The following KHDRBS2 variants were observed in gnomAD, a reference collection of about 807,000 sequenced individuals.
KHDRBS2 encodes the protein KH domain-containing, RNA-binding, signal transduction-associated protein 2.
Under a neutral mutation model 44.3 loss-of-function variants are expected in KHDRBS2, and 26 were observed. The observed-to-expected ratio is 0.59, with a 90% CI of 0.43 to 0.81. The LOEUF (loss-of-function observed/expected upper bound fraction) is 0.81. Among genes scored for constraint, KHDRBS2 ranks in the 40% least tolerant of loss-of-function variants. The probability of loss-of-function intolerance (pLI) is 0.00; values close to 1 mark genes in which losing one functional copy is unlikely to be tolerated. For synonymous variants in KHDRBS2, 194 were observed against 151.1 expected, an observed-to-expected ratio of 1.28 and a Z score of -2.08; for missense variants, 476 against 433.1, an observed-to-expected ratio of 1.10 and a Z score of -0.88.
At chr6:61,744,786 A>G (rs1482630212) in intron 6 of KHDRBS2, among the ~76,000 whole-genome samples, 3 of 152,070 alleles carry the variant, frequency 2.0e-5, no homozygotes, top group African/African-American at 7.2e-5. Flanking sequence ...GGGGAGTACA[A>G]GCCAGTAATC....
chr6:61,760,461 C>T (rs546245193), intron 6 of KHDRBS2, among the ~76,000 whole-genome samples: 30 of 152,004 alleles, frequency 2.0e-4, no homozygotes, highest in African/African-American at 7.0e-4. Context: ...GACAAAACCT[C>T]AACTCTACAA....
At chr6:62,073,002 A>G (rs1394134965) in intron 2 of KHDRBS2, among the ~76,000 whole-genome samples, 1 of 152,080 alleles carries the variant, frequency 6.6e-6, no homozygotes, top group African/African-American at 2.4e-5. Context: ...GCTATTAATT[A>G]TTGCCTCAAT....
At chr6:61,574,407 A>G in the KHDRBS2 span, 2 of 1,521,806 alleles carry the variant, frequency 1.3e-6, no homozygotes, top group Non-Finnish European at 1.8e-6. Context: ...ACATAATACA[A>G]CAAGACGAGA....
intron 7 of KHDRBS2, among the ~76,000 whole-genome samples, chr6:61,703,231 T>C (rs1471527650): frequency 1.3e-5 from 2 of 151,870 alleles, no homozygotes; most frequent in Non-Finnish European, 2.9e-5. Context: ...AGCAGCTTTC[T>C]GAAATAATGA....
the KHDRBS2 span, among the ~76,000 whole-genome samples, chr6:61,561,187 C>T: frequency 1.3e-5 from 2 of 150,042 alleles, no homozygotes; most frequent in Admixed American, 6.6e-5. Flanking sequence ...TAAATGGAGA[C>T]TCTCTCTCTC....
chr6:62,014,774 C>T (rs1780900219), intron 3 of KHDRBS2, among the ~76,000 whole-genome samples: 3 of 152,058 alleles, frequency 2.0e-5, no homozygotes, highest in African/African-American at 7.2e-5. Flanking sequence ...TCTAGTCATA[C>T]AGCACATGAA....
intron 3 of KHDRBS2, among the ~76,000 whole-genome samples, chr6:61,995,766 A>G (rs1018979466): frequency 4.1e-5 from 6 of 145,454 alleles, no homozygotes; most frequent in Non-Finnish European, 5.9e-5. Flanking sequence ...TGTTTCAGAG[A>G]AAAAAAAATC....
chr6:61,650,980 A>G, the KHDRBS2 span, among the ~76,000 whole-genome samples: 12 of 152,090 alleles, frequency 7.9e-5, 1 homozygote, highest in South Asian at 1.7e-3. Flanking sequence ...ACTATTTCCA[A>G]TGTGTACATT....
intron 4 of KHDRBS2, among the ~76,000 whole-genome samples, chr6:61,945,147 A>ATG: frequency 8.5e-6 from 1 of 117,000 alleles, no homozygotes; most frequent in South Asian, 2.8e-4. Flanking sequence ...ATATATATAT[A>ATG]TATACACACA....
At chr6:61,568,053 A>C in the KHDRBS2 span, among the ~76,000 whole-genome samples, 1 of 152,240 alleles carries the variant, frequency 6.6e-6, no homozygotes, top group Middle Eastern at 3.4e-3. Flanking sequence ...ATTCTTCTGC[A>C]TGTGGCTATC....
chr6:62,120,984 G>A (rs571044781), intron 2 of KHDRBS2, among the ~76,000 whole-genome samples: 4 of 152,174 alleles, frequency 2.6e-5, no homozygotes, highest in East Asian at 1.9e-4. Context: ...GATCTGAGTT[G>A]ATGTTCATTC....
intron 5 of KHDRBS2, among the ~76,000 whole-genome samples, chr6:61,896,629 T>A (rs1210317545): frequency 6.6e-6 from 1 of 152,220 alleles, no homozygotes; most frequent in African/African-American, 2.4e-5. Flanking sequence ...ATCACTTTTT[T>A]TAGGATACTG....
chr6:62,262,865 G>A (rs1838593579), intron 1 of KHDRBS2, among the ~76,000 whole-genome samples: 1 of 151,576 alleles, frequency 6.6e-6, no homozygotes, highest in Admixed American at 6.6e-5. Flanking sequence ...CAAATACATA[G>A]AAAATATATA....
At chr6:61,806,753 G>T (rs1787230898) in intron 6 of KHDRBS2, among the ~76,000 whole-genome samples, 1 of 151,644 alleles carries the variant, frequency 6.6e-6, no homozygotes. Context: ...TCAAAAAAAA[G>T]GCCTAATTTC....
At chr6:61,553,443 G>C in the KHDRBS2 span, among the ~76,000 whole-genome samples, 1 of 150,854 alleles carries the variant, frequency 6.6e-6, no homozygotes, top group Admixed American at 6.6e-5. Context: ...TATTTCTTCA[G>C]AAAACCAACA....
At chr6:61,584,212 T>A in the KHDRBS2 span, among the ~76,000 whole-genome samples, 1 of 151,968 alleles carries the variant, frequency 6.6e-6, no homozygotes, top group Admixed American at 6.6e-5. Context: ...TCCTATCTTT[T>A]CTTGTCCCAT....
At chr6:61,702,702 G>C (rs573017944) in intron 7 of KHDRBS2, among the ~76,000 whole-genome samples, 3 of 151,854 alleles carry the variant, frequency 2.0e-5, no homozygotes, top group Admixed American at 6.6e-5. Context: ...ACAGCAATTG[G>C]AACAGTAAAA....
the KHDRBS2 span, among the ~76,000 whole-genome samples, chr6:61,633,799 A>G: frequency 9.3e-6 from 1 of 107,608 alleles, no homozygotes; most frequent in Non-Finnish European, 2.1e-5. Flanking sequence ...AGATTGAGAT[A>G]CCTTTATATT....
chr6:61,664,224 G>A, the KHDRBS2 span, among the ~76,000 whole-genome samples: 4 of 151,864 alleles, frequency 2.6e-5, no homozygotes, highest in South Asian at 8.3e-4. Flanking sequence ...TTGGGTAGAA[G>A]TTTTATAAAA....
Sources: gnomAD v4.1 joint callset for allele counts (sites outside exome capture counted in the v4.1 genomes callset) on GRCh38, gnomAD v4.1.1 for gene constraint, MANE v1.5 for transcripts, NCBI Gene and HGNC (gene_info 2026-07-23, HGNC 2026-07-21) for gene names.